TMEFF2: variants seen among roughly 807,000 people sequenced by gnomAD.
The protein encoded by TMEFF2 is tomoregulin-2.
Under a neutral mutation model 53.8 loss-of-function variants are expected in TMEFF2, and 28 were observed. The observed-to-expected ratio is 0.52, with a 90% CI of 0.39 to 0.71. The LOEUF (loss-of-function observed/expected upper bound fraction) is 0.71. TMEFF2 is among the 30% of genes least tolerant of loss of function. The pLI is 0.00. For synonymous variants in TMEFF2, 162 were observed against 166.3 expected (o/e 0.97, Z 0.20); for missense variants, 353 against 455.2 (o/e 0.78, Z 2.04).
rs951657462 is a variant in TMEFF2 at position 192,006,217 on chromosome 2, A to G, written c.537-7009T>C. The stretch of plus-strand genomic sequence containing the variant: ...TGCACGTGGAAAAAGCTTAGTTGCC[A>G]TTAGTATCGATCTCTTTATAAGGAT... On this transcript the variant is annotated intron_variant, in intron 5 of 9. Transcript: ENST00000272771. Among the ~76,000 whole-genome samples, 4 of 152,142 alleles carry G rather than the reference A, an allele frequency of 2.6e-5. No individual in the cohort carries two copies. In the South Asian group the frequency reaches 8.3e-4, roughly 31 times the overall value.
At position 192,024,802 on chromosome 2, in the gene TMEFF2, G is replaced by A. The variant is rs562958170; in HGVS notation, c.537-25594C>T. On this transcript the variant is annotated intron_variant, in intron 5 of 9. Transcript: ENST00000272771. Reference sequence around the variant, plus strand: ...AGCATCTATTTCTATGTCAATGACTGTTGAAATGCTGTAGCATGAAAGTCA... The same window carrying A: ...AGCATCTATTTCTATGTCAATGACTATTGAAATGCTGTAGCATGAAAGTCA... 6.4e-4 allele frequency among the ~76,000 whole-genome samples: 98 copies of A among 152,314 alleles called. 2 individuals carry two copies. In the South Asian group the frequency reaches 0.012, roughly 19 times the overall value.
intron 4 of TMEFF2, among the ~76,000 whole-genome samples, chr2:192,098,074 A>T (rs1688955328): frequency 6.6e-6 from 1 of 152,196 alleles, no homozygotes; most frequent in Non-Finnish European, 1.5e-5. Flanking sequence ...ACACATCATC[A>T]CTTGACAATG....
At chr2:192,047,642 A>G (rs1040875532) in intron 5 of TMEFF2, among the ~76,000 whole-genome samples, 1 of 152,240 alleles carries the variant, frequency 6.6e-6, no homozygotes, top group Non-Finnish European at 1.5e-5. Flanking sequence ...ACTTTACATT[A>G]GGGGGGCTAG....
intron 7 of TMEFF2, among the ~76,000 whole-genome samples, chr2:191,991,344 A>G (rs1686100376): frequency 6.6e-6 from 1 of 152,122 alleles, no homozygotes; most frequent in South Asian, 2.1e-4. Flanking sequence ...CAGATAGACT[A>G]TATTCCATAA....
At chr2:192,010,669 G>A (rs1049596645) in intron 5 of TMEFF2, among the ~76,000 whole-genome samples, 2 of 152,130 alleles carry the variant, frequency 1.3e-5, no homozygotes, top group African/African-American at 4.8e-5. Context: ...TTGTGATTAC[G>A]GTTGGCAACA....
chr2:192,111,431 T>C (rs893153481), intron 4 of TMEFF2, among the ~76,000 whole-genome samples: 2 of 152,122 alleles, frequency 1.3e-5, no homozygotes, highest in African/African-American at 4.8e-5. Context: ...TGGAGATTTG[T>C]GGGACTTTGA....
At chr2:192,073,740 T>G (rs1361957817) in intron 4 of TMEFF2, among the ~76,000 whole-genome samples, 1 of 152,004 alleles carries the variant, frequency 6.6e-6, no homozygotes, top group Admixed American at 6.6e-5. Flanking sequence ...GTTAATTGAC[T>G]TCTCAATGTA....
rs777524079 is a variant in TMEFF2, at chr2:191,953,851, T to C, written c.870-14A>G. 3.8e-6 allele frequency: 6 copies of C among 1,591,806 alleles called. No homozygotes were observed. The highest frequency in any genetic ancestry group is 3.4e-5 in the Admixed American group (2 of 58,310). ...CCAGCATCACACCTGGAAGAAATTA[T>C]AGTGCCCAGTTACCTGTAGGGTGCT... On this transcript the variant is annotated splice_polypyrimidine_tract_variant and intron_variant, in intron 8 of 9. Transcript: ENST00000272771.
intron 5 of TMEFF2, among the ~76,000 whole-genome samples, chr2:192,051,456 A>G (rs1687769136): frequency 6.6e-6 from 1 of 152,200 alleles, no homozygotes; most frequent in South Asian, 2.1e-4. Context: ...TAGAAAAACA[A>G]TACAAAGATT....
intron 4 of TMEFF2, among the ~76,000 whole-genome samples, chr2:192,105,905 T>C (rs1291328686): frequency 6.6e-6 from 1 of 151,904 alleles, no homozygotes; most frequent in Non-Finnish European, 1.5e-5. Context: ...ACAGTCACTA[T>C]TGGGCATTCC....
intron 7 of TMEFF2, among the ~76,000 whole-genome samples, chr2:191,968,857 C>G (rs564621014): frequency 4.6e-5 from 7 of 152,118 alleles, no homozygotes; most frequent in African/African-American, 1.7e-4. Flanking sequence ...ATTATGGCAT[C>G]TCCAAATTTT....
chr2:192,166,862 A>G lies in TMEFF2; in HGVS notation c.439+12806T>C, dbSNP rs1028487271. Among the ~76,000 whole-genome samples, 7 of 152,146 alleles carry G rather than the reference A, an allele frequency of 4.6e-5. 1 individual carries two copies. Among genetic ancestry groups the G allele is most frequent in the Admixed American group, 1.3e-4 (2 of 15,254 alleles). On this transcript the variant is annotated intron_variant, in intron 4 of 9. Coordinates refer to ENST00000272771, the MANE Select transcript of TMEFF2 (RefSeq NM_016192.4). ...AAACACGTTTCAAACAAAATTTAGCATATTTCTTACTTCAAGATATATATG... is the reference window on the plus strand; with the variant it reads ...AAACACGTTTCAAACAAAATTTAGCGTATTTCTTACTTCAAGATATATATG...
At chr2:192,048,395 C>CACACACACACAG (rs1260466382) in intron 5 of TMEFF2, among the ~76,000 whole-genome samples, 5 of 151,090 alleles carry the variant, frequency 3.3e-5, no homozygotes, top group African/African-American at 1.2e-4. Context: ...CACACACACA[C>CACACACACACAG]AGAAAATATA....
chr2:192,020,471 T>A (rs1686835528), intron 5 of TMEFF2, among the ~76,000 whole-genome samples: 1 of 152,122 alleles, frequency 6.6e-6, no homozygotes, highest in Non-Finnish European at 1.5e-5. Flanking sequence ...TTTACTCATT[T>A]TATATATATG....
chr2:192,189,292 C>T (rs185616579), intron 2 of TMEFF2, among the ~76,000 whole-genome samples: 3 of 152,104 alleles, frequency 2.0e-5, no homozygotes, highest in African/African-American at 4.8e-5. Context: ...ACCTGTAATC[C>T]TAGCACTTTG....
intron 7 of TMEFF2, among the ~76,000 whole-genome samples, chr2:191,984,421 T>G (rs1026009043): frequency 3.3e-5 from 5 of 152,136 alleles, no homozygotes; most frequent in African/African-American, 1.2e-4. Flanking sequence ...GAACAAGAGC[T>G]ACAACGTAAA....
intron 4 of TMEFF2, among the ~76,000 whole-genome samples, chr2:192,134,254 C>T (rs1382922579): frequency 1.3e-5 from 2 of 152,186 alleles, no homozygotes; most frequent in East Asian, 1.9e-4. Context: ...GTTCCTGGCC[C>T]GGACTTCAAT....
intron 4 of TMEFF2, among the ~76,000 whole-genome samples, chr2:192,064,019 C>T (rs750017424): frequency 1.2e-4 from 18 of 151,800 alleles, no homozygotes; most frequent in Admixed American, 4.6e-4. Flanking sequence ...CGTGTTTAGT[C>T]CTTTTACTTC....
At chr2:192,061,731 G>A (rs1002331451) in intron 4 of TMEFF2, among the ~76,000 whole-genome samples, 1 of 152,106 alleles carries the variant, frequency 6.6e-6, no homozygotes, top group African/African-American at 2.4e-5. Context: ...CATGGGGGTG[G>A]ATCCCTTATG....
Sources: allele counts gnomAD v4.1 joint callset (sites outside exome capture counted in the v4.1 genomes callset), GRCh38; gene constraint gnomAD v4.1.1; transcripts MANE v1.5; gene names NCBI Gene and HGNC (gene_info 2026-07-23, HGNC 2026-07-21).